The following LRRK1 variants were observed in gnomAD, a reference collection of about 807,000 sequenced individuals.
LRRK1 encodes the protein leucine-rich repeat serine/threonine-protein kinase 1.
LRRK1 carries 113 observed loss-of-function variants against 209.1 expected under a neutral mutation model. The ratio of observed to expected loss-of-function variants is 0.54; its 90% CI spans 0.46 to 0.63. The LOEUF (loss-of-function observed/expected upper bound fraction) is 0.63, where lower values mean the gene tolerates loss of function less well. Among genes scored for constraint, LRRK1 ranks in the 30% least tolerant of loss-of-function variants. LRRK1 has a pLI of 0.00. For synonymous variants in LRRK1, 1,144 were observed against 1,099.7 expected, an observed-to-expected ratio of 1.04 and a Z score of -0.80; for missense variants, 2,284 against 2,632.2, an observed-to-expected ratio of 0.87 and a Z score of 2.89.
intron 3 of LRRK1, among the ~76,000 whole-genome samples, chr15:100,974,815 A>T (rs2031197680): frequency 6.6e-6 from 1 of 152,156 alleles, no homozygotes; most frequent in Non-Finnish European, 1.5e-5. Flanking sequence ...CTACAGATTA[A>T]CCCTCCCAGC....
chr15:100,966,007 A>C (rs2030430471), intron 2 of LRRK1, among the ~76,000 whole-genome samples: 1 of 152,212 alleles, frequency 6.6e-6, no homozygotes, highest in African/African-American at 2.4e-5. Context: ...TTTAATATGA[A>C]TTTGAAATCT....
rs901489770 is a variant in LRRK1, at chr15:100,983,549, G to A, written c.283G>A (p.Ala95Thr). 2.4e-5 allele frequency: 38 copies of A among 1,603,334 alleles called. No individual in the cohort carries two copies. Among genetic ancestry groups the A allele is most frequent in the Non-Finnish European group, 3.2e-5 (38 of 1,173,882 alleles). Residue 95 changes from alanine (A) to threonine (T), a missense_variant, in exon 4 of 34, where the codon GCA becomes ACA. Ala to Thr is a moderately conservative substitution (Grantham distance 58, BLOSUM62 0). This residue lies in a region of LRRK1 where 134 missense variants were observed against 191.7 expected (regional missense o/e 0.70). Transcript: ENST00000388948. ...CCAGGGCCAGCTTCTGAGCATCCCG[G>A]CAGCCTATGGGGATCTGGAGATGGT... ...LEKGQLLSIP[A>T]AYGDLEMVRY...
chr15:100,928,057 C>T (rs925209773), intron 2 of LRRK1, among the ~76,000 whole-genome samples: 4 of 152,214 alleles, frequency 2.6e-5, no homozygotes, highest in Admixed American at 2.6e-4. Context: ...GTGCTTTGCT[C>T]ATCGGTGCTG....
chr15:100,972,938 C>CACACACA (rs1555462750), intron 2 of LRRK1, among the ~76,000 whole-genome samples: 8 of 57,180 alleles, frequency 1.4e-4, no homozygotes, highest in East Asian at 1.4e-3. Context: ...ACACACACAC[C>CACACACA]CAGTTTTGTG....
intron 2 of LRRK1, among the ~76,000 whole-genome samples, chr15:100,956,450 T>C (rs9672921): frequency 1.5e-5 from 1 of 64,654 alleles, no homozygotes; most frequent in Non-Finnish European, 2.7e-5. Flanking sequence ...TTTCCTTTTT[T>C]TTTTCTTTTT....
rs1420412747 is a variant in LRRK1 at position 101,073,734 on chromosome 15, C to T, written c.*4886C>T. On this transcript the variant is annotated 3_prime_UTR_variant, in exon 34 of 34. Transcript: ENST00000388948. ...CCCACTTTTCTGGAGAGTAAGAACC[C>T]CTGAACCGCTTCTCTCCGTGTCTCT... 6.6e-6 allele frequency: 1 copy of T among 152,034 alleles called. No homozygotes were observed. The highest frequency in any genetic ancestry group is 1.5e-5 in the Non-Finnish European group (1 of 68,022). 9.4% of individuals were successfully genotyped at this position (152,034 alleles called of 1,614,324 possible).
intron 20 of LRRK1, among the ~76,000 whole-genome samples, chr15:101,030,954 G>A (rs765579430): frequency 4.6e-5 from 7 of 151,970 alleles, no homozygotes; most frequent in African/African-American, 9.7e-5. Flanking sequence ...TCATTCTTAC[G>A]CCTTTGCATC....
chr15:101,007,623 T>C (rs547480453), intron 6 of LRRK1, among the ~76,000 whole-genome samples: 2 of 152,190 alleles, frequency 1.3e-5, no homozygotes, highest in Admixed American at 6.5e-5. Flanking sequence ...GGGAGCTTTC[T>C]AGTGGGACAA....
chr15:101,061,051 A>G, intron 29 of LRRK1, 120 bp from the exon 30 acceptor site: 1 of 756,766 alleles, frequency 1.3e-6, no homozygotes, highest in Non-Finnish European at 2.3e-6. Context: ...AGAACACAGG[A>G]TGCAACCCTG....
At chr15:101,037,722 C>T (rs1333331157) in intron 20 of LRRK1, among the ~76,000 whole-genome samples, 2 of 152,086 alleles carry the variant, frequency 1.3e-5, no homozygotes, top group African/African-American at 2.4e-5. Context: ...GGTAGCAGCC[C>T]ACATTTCTCT....
intron 17 of LRRK1, among the ~76,000 whole-genome samples, chr15:101,026,853 C>T (rs936539919): frequency 2.6e-5 from 4 of 152,154 alleles, no homozygotes; most frequent in African/African-American, 7.2e-5. Flanking sequence ...TGGCCTGGCT[C>T]GGAATACAGG....
In LRRK1 at chr15:101,062,639, G is replaced by A; in HGVS notation, c.4863G>A (p.Leu1621=). ...MCPLNTPQQA[L]DTPAVVTCFL... is the part of the protein sequence containing the mutation. Reference sequence around the variant, plus strand: ...CCTTAAACACACCCCAACAGGCCTTGGATACTCCAGCTGTCGTCACCTGCT... The same window carrying A: ...CCTTAAACACACCCCAACAGGCCTTAGATACTCCAGCTGTCGTCACCTGCT... The change falls in exon 31 of 34, where the codon TTG becomes TTA. Residue 1621 remains leucine (L), a synonymous_variant. Coordinates refer to ENST00000388948, the MANE Select transcript of LRRK1 (RefSeq NM_024652.6). 6.2e-7 allele frequency: 1 copy of A among 1,614,190 alleles called. No individual in the cohort carries two copies. The highest frequency in any genetic ancestry group is 8.5e-7 in the Non-Finnish European group (1 of 1,180,012).
At chr15:100,938,030 T>TA (rs1158702836) in intron 2 of LRRK1, among the ~76,000 whole-genome samples, 2 of 151,380 alleles carry the variant, frequency 1.3e-5, no homozygotes, top group East Asian at 3.9e-4. Context: ...TTTGTATTTT[T>TA]TTTTTTTTTG....
At chr15:100,972,317 G>GAT (rs140979590) in intron 2 of LRRK1, among the ~76,000 whole-genome samples, 17,166 of 69,930 alleles carry the variant, frequency 0.25, 1,832 homozygotes, top group Middle Eastern at 0.29. Context: ...TGTAATTTGG[G>GAT]ATATATATAT....
At chr15:101,044,805 CAGAA>C (rs1401821404) in intron 20 of LRRK1, among the ~76,000 whole-genome samples, 4 of 152,234 alleles carry the variant, frequency 2.6e-5, no homozygotes, top group Non-Finnish European at 5.9e-5. Flanking sequence ...GTAGAAAAAG[CAGAA>C]AGAAACAGCA....
chr15:101,066,278 A>G, intron 32 of LRRK1, 73 bp downstream of exon 32: 1 of 1,511,546 alleles, frequency 6.6e-7, no homozygotes. Flanking sequence ...AGCAAGGGGA[A>G]GCCCCCTGGC....
At chr15:100,958,611 T>C (rs1436900839) in intron 2 of LRRK1, among the ~76,000 whole-genome samples, 2 of 152,190 alleles carry the variant, frequency 1.3e-5, no homozygotes, top group Non-Finnish European at 2.9e-5. Context: ...ACTTCACAGT[T>C]TTCAGAGAGG....
chr15:100,961,248 C>A (rs953029140), intron 2 of LRRK1, among the ~76,000 whole-genome samples: 2 of 152,164 alleles, frequency 1.3e-5, no homozygotes, highest in African/African-American at 4.8e-5. Flanking sequence ...ATTACAGGGT[C>A]CCCACCATAG....
intron 29 of LRRK1, among the ~76,000 whole-genome samples, chr15:101,058,543 G>A (rs966828624): frequency 1.6e-4 from 23 of 143,762 alleles, no homozygotes; most frequent in South Asian, 2.3e-4. Context: ...TTTTAAAAAC[G>A]AAATGAGGCC....
Sources: allele counts gnomAD v4.1 joint callset (sites outside exome capture counted in the v4.1 genomes callset), GRCh38; gene constraint gnomAD v4.1.1; regional missense constraint gnomAD v4.1.1; transcripts MANE v1.5; gene names NCBI Gene and HGNC (gene_info 2026-07-23, HGNC 2026-07-21).